SCARA5: variants seen among roughly 807,000 people sequenced by gnomAD.
SCARA5 encodes scavenger receptor class A member 5, also known as scavenger receptor class A, member 5 (putative).
In SCARA5, 45 loss-of-function variants were observed where a neutral mutation model predicts 46.3. The ratio of observed to expected loss-of-function variants is 0.97; its 90% CI spans 0.76 to 1.24. The LOEUF is 1.24. SCARA5 is among the 50% of genes most tolerant of loss of function. SCARA5 has a pLI of 0.00. For synonymous variants in SCARA5, 333 were observed against 306.5 expected (o/e 1.09, Z -0.90); for missense variants, 680 against 689.0 (o/e 0.99, Z 0.15).
intron 2 of SCARA5, among the ~76,000 whole-genome samples, chr8:27,981,469 A>C (rs950885471): frequency 2.6e-5 from 4 of 152,216 alleles, no homozygotes; most frequent in Non-Finnish European, 5.9e-5. Flanking sequence ...TCCACAGGGC[A>C]GAAGCCGGAG....
chr8:27,890,078 T>C (rs1055122559), intron 7 of SCARA5, among the ~76,000 whole-genome samples: 1 of 152,202 alleles, frequency 6.6e-6, no homozygotes, highest in African/African-American at 2.4e-5. Flanking sequence ...GATAAATAAG[T>C]ATTGTCTTTG....
chr8:27,942,001 G>A (rs1807954132), intron 3 of SCARA5, among the ~76,000 whole-genome samples: 1 of 151,582 alleles, frequency 6.6e-6, no homozygotes, highest in Admixed American at 6.6e-5. Context: ...TAATTTTTTT[G>A]TATTTTTAGA....
rs1371636652 is a variant in SCARA5 at position 27,892,125 on chromosome 8, G to A, written c.1154-12359C>T. Among the ~76,000 whole-genome samples the A allele has an allele frequency of 2.0e-5, 3 of 152,248 alleles. No individual in the cohort carries two copies. In the East Asian group the frequency reaches 5.8e-4, roughly 29 times the overall value. ...AGCAGTTCACACTGGGGAATACGGA[G>A]AGAGCTGAGCAGACACAAAGAGACT... On this transcript the variant is annotated intron_variant, in intron 7 of 8. Transcript: ENST00000354914.
At chr8:27,914,061 T>C (rs1219320990) in intron 4 of SCARA5, among the ~76,000 whole-genome samples, 1 of 152,194 alleles carries the variant, frequency 6.6e-6, no homozygotes, top group Admixed American at 6.5e-5. Context: ...GGGAGGTAAC[T>C]GAATCATGGG....
At position 27,921,938 on chromosome 8, in the gene SCARA5, C is replaced by T. The variant is rs1453411937; in HGVS notation, c.549G>A (p.Leu183=). The T allele has an allele frequency of 6.5e-7, 1 of 1,539,886 alleles. No individual in the cohort carries two copies. The highest frequency in any genetic ancestry group is 8.7e-7 in the Non-Finnish European group (1 of 1,152,042). The change falls in exon 4 of 9, where the codon CTG becomes CTA. Residue 183 remains leucine (L), a synonymous_variant. Transcript: ENST00000354914. The part of the protein sequence containing the change: ...RTGQQSDTAQ[L]ELYQLQVESN... ...TCTCCACCTGCAGCTGGTAGAGCTC[C>T]AGCTGCGCCGTGTCGCTCTGCTGGC...
chr8:27,949,099 G>A (rs1405573591), intron 3 of SCARA5, among the ~76,000 whole-genome samples: 1 of 152,238 alleles, frequency 6.6e-6, no homozygotes, highest in African/African-American at 2.4e-5. Flanking sequence ...TCAGAGGCTG[G>A]TGGTGTGGTG....
chr8:27,963,556 A>G (rs539893723), intron 3 of SCARA5, among the ~76,000 whole-genome samples: 5 of 152,198 alleles, frequency 3.3e-5, no homozygotes, highest in Non-Finnish European at 5.9e-5. Context: ...AGCTCCCAGG[A>G]GGACACTGGT....
chr8:27,881,122 G>C (rs1388242573), intron 7 of SCARA5, among the ~76,000 whole-genome samples: 2 of 152,176 alleles, frequency 1.3e-5, no homozygotes, highest in Admixed American at 1.3e-4. Context: ...AGCCACTGTG[G>C]AAAGCAGTTT....
intron 7 of SCARA5, among the ~76,000 whole-genome samples, chr8:27,896,966 C>T (rs1264687501): frequency 6.6e-6 from 1 of 152,044 alleles, no homozygotes; most frequent in Non-Finnish European, 1.5e-5. Context: ...GTGGTGTGCA[C>T]CTGTAATCCC....
chr8:27,978,320 C>A (rs1359903258), intron 2 of SCARA5, among the ~76,000 whole-genome samples: 1 of 151,764 alleles, frequency 6.6e-6, no homozygotes, highest in African/African-American at 2.4e-5. Flanking sequence ...TGTGAGCCAC[C>A]ACACCTGGCC....
At chr8:27,989,351 C>A (rs1326369426) in intron 1 of SCARA5, among the ~76,000 whole-genome samples, 4 of 152,040 alleles carry the variant, frequency 2.6e-5, no homozygotes, top group Non-Finnish European at 4.4e-5. Flanking sequence ...TGGTCTGGAA[C>A]TCCTGGAGTC....
chr8:27,984,993 C>G (rs1808684727), intron 2 of SCARA5, among the ~76,000 whole-genome samples: 1 of 152,222 alleles, frequency 6.6e-6, no homozygotes. Context: ...TCCCTTCATT[C>G]ATCCATCCAC....
At chr8:27,896,965 A>G (rs2129722893) in intron 7 of SCARA5, among the ~76,000 whole-genome samples, 1 of 152,122 alleles carries the variant, frequency 6.6e-6, no homozygotes, top group Middle Eastern at 3.4e-3. Context: ...GGTGGTGTGC[A>G]CCTGTAATCC....
rs139639041 is a variant in SCARA5 at position 27,954,116 on chromosome 8, C to T, written c.241+12298G>A. Among the ~76,000 whole-genome samples, 358 of 152,342 alleles carry T rather than the reference C, an allele frequency of 2.3e-3. 3 individuals are homozygous for T. The highest frequency in any genetic ancestry group is 8.1e-3 in the African/African-American group (335 of 41,572). On this transcript the variant is annotated intron_variant, in intron 3 of 8. Coordinates refer to ENST00000354914, the MANE Select transcript of SCARA5 (RefSeq NM_173833.6). ...GTATTGTCACCCTGTCTCTCCTTTG[C>T]TTGTGTCCTCAGGGCACTTACCCAG...
At position 27,987,622 on chromosome 8, in the gene SCARA5, C is replaced by T; in HGVS notation, c.-7G>A. 2 of 1,586,064 alleles carry T rather than the reference C, an allele frequency of 1.3e-6. No individual in the cohort carries two copies. Among genetic ancestry groups the T allele is most frequent in the Non-Finnish European group, 1.7e-6 (2 of 1,154,430 alleles). On this transcript the variant is annotated 5_prime_UTR_variant, in exon 2 of 9. Coordinates refer to ENST00000354914, the MANE Select transcript of SCARA5 (RefSeq NM_173833.6). The stretch of plus-strand genomic sequence containing the variant: ...ACATAGCTTTGTTCTCCATCACACC[C>T]TGCAACAGCTGCAGAGAAGGCAAGA...
intron 3 of SCARA5, among the ~76,000 whole-genome samples, chr8:27,933,350 C>T (rs920058127): frequency 3.9e-5 from 6 of 151,918 alleles, no homozygotes; most frequent in East Asian, 1.9e-4. Context: ...TGTGAAGCCC[C>T]GCCTCTACAA....
At chr8:27,894,951 C>T (rs887382261) in intron 7 of SCARA5, among the ~76,000 whole-genome samples, 1 of 152,128 alleles carries the variant, frequency 6.6e-6, no homozygotes, top group African/African-American at 2.4e-5. Flanking sequence ...GAGAACGGAG[C>T]TGGTCACTAA....
At chr8:27,873,052 C>T (rs1434994994) in intron 8 of SCARA5, among the ~76,000 whole-genome samples, 1 of 152,236 alleles carries the variant, frequency 6.6e-6, no homozygotes, top group Non-Finnish European at 1.5e-5. Flanking sequence ...AGAACCCTGT[C>T]AGCTCTAGGT....
intron 8 of SCARA5, 61 bp downstream of exon 8, chr8:27,879,508 G>T: frequency 6.6e-7 from 1 of 1,509,872 alleles, no homozygotes; most frequent in Non-Finnish European, 9.1e-7. Flanking sequence ...CTTTGGAGGT[G>T]AGCCCAGTCC....
Sources: allele counts gnomAD v4.1 joint callset (sites outside exome capture counted in the v4.1 genomes callset), GRCh38; gene constraint gnomAD v4.1.1; transcripts MANE v1.5; gene names NCBI Gene and HGNC (gene_info 2026-07-23, HGNC 2026-07-21).